Variants in CTNNA3 observed in about 807,000 individuals in gnomAD.
CTNNA3 encodes catenin alpha 3.
CTNNA3 carries 76 observed loss-of-function variants against 95.7 expected under a neutral mutation model. The observed-to-expected ratio is 0.79, with a 90% CI of 0.66 to 0.96. The LOEUF (loss-of-function observed/expected upper bound fraction) is 0.96, where lower values mean the gene tolerates loss of function less well. CTNNA3 is among the 40% of genes least tolerant of loss of function. CTNNA3 has a pLI of 0.00. For synonymous variants in CTNNA3, 431 were observed against 374.4 expected (o/e 1.15, Z -1.74); for missense variants, 1,191 against 1,089.8 (o/e 1.09, Z -1.31).
intron 7 of CTNNA3, among the ~76,000 whole-genome samples, chr10:66,875,565 T>C (rs910197163): frequency 7.9e-5 from 12 of 152,128 alleles, no homozygotes; most frequent in African/African-American, 2.9e-4. Flanking sequence ...AATCTATCAA[T>C]CCAACATCTT....
chr10:66,286,275 T>C (rs933861981), intron 12 of CTNNA3, among the ~76,000 whole-genome samples: 10 of 152,174 alleles, frequency 6.6e-5, no homozygotes, highest in Non-Finnish European at 1.2e-4. Flanking sequence ...TACCATCTTT[T>C]ACTTTTTAGC....
chr10:66,415,373 C>T (rs1021089037), intron 11 of CTNNA3, among the ~76,000 whole-genome samples: 1 of 152,106 alleles, frequency 6.6e-6, no homozygotes, highest in African/African-American at 2.4e-5. Flanking sequence ...TGGACACTGA[C>T]CTTCCCAGAA....
At chr10:67,121,105 T>C (rs778194322) in intron 7 of CTNNA3, among the ~76,000 whole-genome samples, 2 of 152,082 alleles carry the variant, frequency 1.3e-5, no homozygotes, top group South Asian at 2.1e-4. Flanking sequence ...CCTTAAATCT[T>C]ACTCTGTTCT....
At chr10:67,019,046 C>G (rs1454004409) in intron 7 of CTNNA3, among the ~76,000 whole-genome samples, 3 of 152,148 alleles carry the variant, frequency 2.0e-5, no homozygotes, top group African/African-American at 7.2e-5. Context: ...TATTACATAT[C>G]TAATGAATAC....
chr10:66,844,414 A>G (rs1480156868), intron 7 of CTNNA3, among the ~76,000 whole-genome samples: 2 of 152,196 alleles, frequency 1.3e-5, no homozygotes, highest in African/African-American at 2.4e-5. Flanking sequence ...TGTAAAATTA[A>G]TGGCTGGGAA....
chr10:66,337,144 T>A (rs1476936772), intron 12 of CTNNA3, among the ~76,000 whole-genome samples: 1 of 152,170 alleles, frequency 6.6e-6, no homozygotes, highest in Non-Finnish European at 1.5e-5. Flanking sequence ...CTAATGGGTT[T>A]ATCATAGTTA....
intron 14 of CTNNA3, among the ~76,000 whole-genome samples, chr10:66,076,766 T>C (rs1213096770): frequency 6.6e-6 from 1 of 151,716 alleles, no homozygotes; most frequent in Non-Finnish European, 1.5e-5. Flanking sequence ...ACTTCCAGTA[T>C]GCCAGTCACT....
intron 6 of CTNNA3, among the ~76,000 whole-genome samples, chr10:67,207,020 A>G (rs1314094371): frequency 1.3e-5 from 2 of 152,078 alleles, no homozygotes; most frequent in African/African-American, 2.4e-5. Context: ...AATACCAGCT[A>G]CTCAGGAGGA....
At chr10:66,469,507 G>A (rs1202445425) in intron 11 of CTNNA3, among the ~76,000 whole-genome samples, 4 of 151,464 alleles carry the variant, frequency 2.6e-5, no homozygotes, top group Non-Finnish European at 4.4e-5. Flanking sequence ...TGCAAACTAT[G>A]TTAAATGTAT....
chr10:66,113,861 T>C (rs935099066), intron 13 of CTNNA3, among the ~76,000 whole-genome samples: 1 of 152,134 alleles, frequency 6.6e-6, no homozygotes, highest in African/African-American at 2.4e-5. Flanking sequence ...GATGTGAGGG[T>C]TCTTCACGCA....
intron 11 of CTNNA3, among the ~76,000 whole-genome samples, chr10:66,430,112 GACAA>G (rs1244602554): frequency 7.9e-6 from 1 of 126,614 alleles, no homozygotes; most frequent in Non-Finnish European, 1.6e-5. Flanking sequence ...ACCATTAACA[GACAA>G]ACAAAGAGCC....
rs151001589 is a variant in CTNNA3 at position 67,689,331 on chromosome 10, T to C, written c.-6+6669A>G. On this transcript the variant is annotated intron_variant, in intron 1 of 17. Coordinates refer to ENST00000433211, the MANE Select transcript of CTNNA3 (RefSeq NM_013266.4). ...TGAAGAGGGATCCTAAAATTCCAGA[T>C]AGTCCCTTGCCCAGATGGGACTTTG... is the stretch of plus-strand genomic sequence containing the variant. Among the ~76,000 whole-genome samples the C allele has an allele frequency of 2.2e-3, 333 of 152,292 alleles. 2 individuals are homozygous for C. Among genetic ancestry groups the C allele is most frequent in the African/African-American group, 7.5e-3 (310 of 41,568 alleles).
At chr10:66,724,007 G>A (rs1219528307) in intron 9 of CTNNA3, among the ~76,000 whole-genome samples, 2 of 152,064 alleles carry the variant, frequency 1.3e-5, no homozygotes, top group Admixed American at 6.6e-5. Flanking sequence ...CAGAGGAAGT[G>A]GAATGTAATT....
chr10:66,467,219 T>A (rs913961265), intron 11 of CTNNA3, among the ~76,000 whole-genome samples: 1 of 152,082 alleles, frequency 6.6e-6, no homozygotes, highest in Admixed American at 6.6e-5. Flanking sequence ...ATCCCTCCGG[T>A]GGTGACTGGG....
chr10:66,413,595 C>T (rs1056482063), intron 11 of CTNNA3, among the ~76,000 whole-genome samples: 9 of 152,076 alleles, frequency 5.9e-5, no homozygotes, highest in African/African-American at 2.2e-4. Flanking sequence ...ATAGTTGGTA[C>T]AAGCAATAGA....
At chr10:66,683,506 G>A (rs919230323) in intron 9 of CTNNA3, among the ~76,000 whole-genome samples, 1 of 152,180 alleles carries the variant, frequency 6.6e-6, no homozygotes, top group Non-Finnish European at 1.5e-5. Context: ...GGGCCAGCAT[G>A]TATTATGGAG....
intron 7 of CTNNA3, among the ~76,000 whole-genome samples, chr10:67,102,875 T>C (rs1430868849): frequency 6.6e-6 from 1 of 151,880 alleles, no homozygotes; most frequent in Admixed American, 6.6e-5. Context: ...GGTTTTGAGT[T>C]GGTCAGTTGA....
intron 5 of CTNNA3, among the ~76,000 whole-genome samples, chr10:67,339,917 AT>A (rs1282955523): frequency 1.3e-5 from 2 of 152,198 alleles, no homozygotes; most frequent in African/African-American, 4.8e-5. Context: ...ACGACCAAAA[AT>A]ATTTTCTCAC....
intron 3 of CTNNA3, among the ~76,000 whole-genome samples, chr10:67,586,520 C>G (rs1842632612): frequency 6.6e-6 from 1 of 151,976 alleles, no homozygotes; most frequent in Admixed American, 6.6e-5. Flanking sequence ...TAGAATTGTT[C>G]TATTCTCTTC....
Sources: allele counts gnomAD v4.1 joint callset (sites outside exome capture counted in the v4.1 genomes callset), GRCh38; gene constraint gnomAD v4.1.1; transcripts MANE v1.5; gene names NCBI Gene and HGNC (gene_info 2026-07-23, HGNC 2026-07-21).